Variants in PTPRS observed in about 807,000 individuals in gnomAD.
The protein encoded by PTPRS is receptor-type tyrosine-protein phosphatase S.
A neutral mutation model predicts 215.3 loss-of-function variants in PTPRS; 63 were observed. The observed-to-expected ratio is 0.29, with a 90% CI of 0.24 to 0.36. The LOEUF (loss-of-function observed/expected upper bound fraction) is 0.36, where lower values mean the gene tolerates loss of function less well. Among genes scored for constraint, PTPRS ranks in the 10% least tolerant of loss-of-function variants. PTPRS has a pLI of 1.00. For synonymous variants in PTPRS, 1,404 were observed against 1,191.4 expected (o/e 1.18, Z -3.68); for missense variants, 2,258 against 2,825.8 (o/e 0.80, Z 4.56).
intron 1 of PTPRS, among the ~76,000 whole-genome samples, chr19:5,301,292 C>A (rs1038822483): frequency 2.0e-5 from 3 of 151,254 alleles, no homozygotes; most frequent in South Asian, 4.2e-4. Context: ...CTTGAGCCAG[C>A]GTCAAGTGTA....
At chr19:5,268,323 T>A (rs115294853) in intron 4 of PTPRS, among the ~76,000 whole-genome samples, 1 of 152,234 alleles carries the variant, frequency 6.6e-6, no homozygotes, top group African/African-American at 2.4e-5. Context: ...CCAAAAATAT[T>A]TACTTCCTGG....
intron 1 of PTPRS, among the ~76,000 whole-genome samples, chr19:5,331,128 TAA>T (rs1041351468): frequency 1.2e-4 from 12 of 100,134 alleles, no homozygotes; most frequent in East Asian, 5.0e-4. Context: ...CTTCTTTTTT[TAA>T]AAAAAAAAAA....
At chr19:5,270,247 C>A (rs2046792131) in intron 4 of PTPRS, among the ~76,000 whole-genome samples, 1 of 152,170 alleles carries the variant, frequency 6.6e-6, no homozygotes, top group Non-Finnish European at 1.5e-5. Flanking sequence ...AGTATTAAGA[C>A]TTTCCAGACC....
At chr19:5,233,179 A>G (rs927952090) in intron 13 of PTPRS, among the ~76,000 whole-genome samples, 2 of 138,944 alleles carry the variant, frequency 1.4e-5, no homozygotes, top group African/African-American at 5.4e-5. Flanking sequence ...TAACAAAATA[A>G]TCTATGTCGA....
In PTPRS at chr19:5,294,674, T is replaced by C. The variant is rs1298003516; in HGVS notation, c.-94-8440A>G. ...AATAAATGCCTCCCTCACTGGGGGA[T>C]ACCACACTGCCCCCTTCCCTTACCA... On this transcript the variant is annotated intron_variant, in intron 1 of 37. Transcript: ENST00000262963. The surrounding 1 kb of genome is among the most constrained non-coding windows in gnomAD (Gnocchi z 5.1). 6.6e-6 allele frequency: 1 copy of C among 152,208 alleles called. No individual in the cohort carries two copies. 9.4% of individuals were successfully genotyped at this position (152,208 alleles called of 1,614,324 possible). A position where few individuals can be genotyped will look rare whatever the true frequency, so the allele number is the denominator to read the frequency against.
chr19:5,291,077 C>T lies in PTPRS; in HGVS notation c.-94-4843G>A, dbSNP rs978429693. 5.9e-5 allele frequency among the ~76,000 whole-genome samples: 9 copies of T among 152,098 alleles called. 1 individual carries two copies. The highest frequency in any genetic ancestry group is 7.2e-5 in the African/African-American group (3 of 41,494). On this transcript the variant is annotated intron_variant, in intron 1 of 37. Coordinates refer to ENST00000262963, the MANE Select transcript of PTPRS (RefSeq NM_002850.4). Reference sequence around the variant, plus strand: ...GGGGCTGGGTGGGGCTGGCCCTTCCCGGAACTGAAGTCCGGGGACCTGGCT... The same window carrying T: ...GGGGCTGGGTGGGGCTGGCCCTTCCTGGAACTGAAGTCCGGGGACCTGGCT...
Position 5,221,216 on chromosome 19 carries a change from C to A in PTPRS, c.3239G>T (p.Arg1080Leu), listed in dbSNP as rs771119355. 6.2e-7 allele frequency: 1 copy of A among 1,613,680 alleles called. No homozygotes were observed. Among genetic ancestry groups the A allele is most frequent in the East Asian group, 2.2e-5 (1 of 44,872 alleles). ...GTGCGTGATGAGCTTCTTGGTGGTACGGCCATCCACATCCAGTGTGAGCCC... is the reference window on the plus strand; with the variant it reads ...GTGCGTGATGAGCTTCTTGGTGGTAAGGCCATCCACATCCAGTGTGAGCCC... ...YNGLTLDVDG[R>L]TTKKLITHLK... is the part of the protein sequence containing the mutation. Residue 1080 changes from arginine to leucine, a missense_variant, in exon 20 of 38, where the codon CGT becomes CTT. By Grantham distance (102) the Arg-to-Leu change is moderately radical (BLOSUM62 -2). Coordinates refer to ENST00000262963, the MANE Select transcript of PTPRS (RefSeq NM_002850.4).
intron 23 of PTPRS, chr19:5,219,063 C>T: frequency 1.6e-6 from 1 of 644,370 alleles, no homozygotes; most frequent in Non-Finnish European, 2.6e-6. Flanking sequence ...GCAGCCTCTA[C>T]CCCAAATCTT....
chr19:5,228,398 C>T (rs968865622), intron 16 of PTPRS, among the ~76,000 whole-genome samples: 3 of 148,784 alleles, frequency 2.0e-5, no homozygotes, highest in Non-Finnish European at 4.5e-5. Flanking sequence ...CAGGCTGGAC[C>T]GCAGTGGTGC....
In PTPRS at chr19:5,212,469, T is replaced by G; in HGVS notation, c.4637A>C (p.Glu1546Ala). The G allele has an allele frequency of 1.0e-5, 16 of 1,595,592 alleles. No homozygotes were observed. The highest frequency in any genetic ancestry group is 1.4e-5 in the Non-Finnish European group (16 of 1,170,878). Residue 1546 changes from glutamate to alanine, a missense_variant, in exon 31 of 38, where the codon GAG (glutamate) becomes GCG (alanine). Physicochemically the swap from Glu to Ala is moderately radical, Grantham distance 107. Transcript: ENST00000262963. ...CGCCGTAAACTGGAACTGGCGGACC[T>G]CGCGTTTCTCACTGGAGCCATTCTG... is the stretch of plus-strand genomic sequence containing the variant. The part of the protein sequence containing the change: ...LHKNGSSEKR[E>A]VRQFQFTAWP...
rs1381222025 is a variant in PTPRS, at chr19:5,257,885, A to T, written c.706+132T>A. 2 of 725,564 alleles carry T rather than the reference A, an allele frequency of 2.8e-6. No homozygotes were observed. The highest frequency in any genetic ancestry group is 3.5e-5 in the African/African-American group (2 of 56,556). 44.9% of individuals were successfully genotyped at this position (725,564 alleles called of 1,614,324 possible). A position where few individuals can be genotyped will look rare whatever the true frequency, so the allele number is the denominator to read the frequency against. The stretch of plus-strand genomic sequence containing the variant: ...GGGACGCCGCCTCGGCCAAGGTCCC[A>T]CCGCGACCGGGGAGGGGCCTTCCTG... On this transcript the variant is annotated intron_variant, in intron 8 of 37. Coordinates refer to ENST00000262963, the MANE Select transcript of PTPRS (RefSeq NM_002850.4). This position sits in a 1 kb window ranked among gnomAD's most constrained non-coding sequence, Gnocchi z 4.4.
chr19:5,268,183 A>T (rs533702077), intron 4 of PTPRS, among the ~76,000 whole-genome samples: 2,109 of 134,820 alleles, frequency 0.016, 24 homozygotes, highest in South Asian at 0.038. Flanking sequence ...ATAAATAAAT[A>T]AATAAATTAA....
chr19:5,258,061 C>A lies in PTPRS; in HGVS notation c.662G>T (p.Ser221Ile). 1.2e-6 allele frequency: 2 copies of A among 1,614,214 alleles called. No homozygotes were observed. Among genetic ancestry groups the A allele is most frequent in the Non-Finnish European group, 1.7e-6 (2 of 1,180,040 alleles). ...QGKYECVATN[S>I]AGVRYSSPAN... ...AGGTGAGGAGTAGCGCACGCCGGCG[C>A]TGTTGGTGGCCACACACTCATATTT... Residue 221 changes from serine to isoleucine, a missense_variant, in exon 8 of 38, where the codon AGC becomes ATC. Physicochemically the swap from Ser to Ile is moderately radical, Grantham distance 142 (BLOSUM62 -2). Coordinates refer to ENST00000262963, the MANE Select transcript of PTPRS (RefSeq NM_002850.4).
chr19:5,215,524 T>G lies in PTPRS; in HGVS notation c.4168A>C (p.Ser1390Arg). 1 of 1,612,100 alleles carries G rather than the reference T, an allele frequency of 6.2e-7. No homozygotes were observed. Among genetic ancestry groups the G allele is most frequent in the South Asian group, 1.1e-5 (1 of 90,966 alleles). ...TCATACTCCTGGGAGAGCTTGAGGC[T>G]GTCGTTGGCCTTGAGCCGCTCCGTG... is the stretch of plus-strand genomic sequence containing the variant. ...EHTERLKAND[S>R]LKLSQEYESI... Residue 1390 changes from serine (S) to arginine (R), a missense_variant, in exon 27 of 38, where the codon AGC (serine) becomes CGC (arginine). Ser to Arg is a moderately radical substitution (Grantham distance 110, BLOSUM62 -1). Transcript: ENST00000262963.
At chr19:5,260,954 C>G in intron 6 of PTPRS, 132 bp from the exon 7 acceptor site, 1 of 1,100,742 alleles carries the variant, frequency 9.1e-7, no homozygotes, top group South Asian at 1.4e-5. Context: ...ATCGAGCCAG[C>G]CCTGGGCATA....
chr19:5,249,322 A>G (rs1312086317), intron 9 of PTPRS, among the ~76,000 whole-genome samples: 2 of 152,206 alleles, frequency 1.3e-5, no homozygotes, highest in African/African-American at 4.8e-5. Context: ...AAATAAATAA[A>G]TAAATAAACA....
intron 18 of PTPRS, 66 bp from the exon 19 acceptor site, chr19:5,222,286 TGGCGTGAAGC>T (rs2042043746): frequency 7.3e-7 from 1 of 1,376,048 alleles, no homozygotes; most frequent in Admixed American, 1.7e-5. Context: ...TGGCACTGGG[TGGCGTGAAGC>T]GGGGTGGGGT....
intron 12 of PTPRS, among the ~76,000 whole-genome samples, chr19:5,239,880 G>T (rs1000574097): frequency 6.6e-6 from 1 of 152,146 alleles, no homozygotes; most frequent in Admixed American, 6.5e-5. Context: ...CCGGAGGGAT[G>T]GAGAGTGAGC....
chr19:5,299,594 G>A (rs2049241263), intron 1 of PTPRS, among the ~76,000 whole-genome samples: 1 of 152,190 alleles, frequency 6.6e-6, no homozygotes, highest in Non-Finnish European at 1.5e-5. Flanking sequence ...ACTAGTGGCT[G>A]GGTGTGGTGG....
Sources: gnomAD v4.1 joint callset for allele counts (sites outside exome capture counted in the v4.1 genomes callset) on GRCh38, gnomAD v4.1.1 for gene constraint, Gnocchi (gnomAD v3.1) non-coding constraint, MANE v1.5 for transcripts, NCBI Gene and HGNC (gene_info 2026-07-23, HGNC 2026-07-21) for gene names.